BACH1: variants seen among roughly 807,000 people sequenced by gnomAD.
The protein encoded by BACH1 is BTB domain and CNC homolog 1.
In BACH1, 35 loss-of-function variants were observed where a neutral mutation model predicts 52.9. The observed-to-expected ratio is 0.66, with a 90% CI of 0.51 to 0.88. The LOEUF (loss-of-function observed/expected upper bound fraction) is 0.88, where lower values mean the gene tolerates loss of function less well. Among genes scored for constraint, BACH1 ranks in the 40% least tolerant of loss-of-function variants. The pLI, the probability that BACH1 is intolerant of heterozygous loss-of-function variation, is 0.00. For synonymous variants in BACH1, 321 were observed against 319.6 expected, an observed-to-expected ratio of 1.00 and a Z score of -0.05; for missense variants, 808 against 872.6, an observed-to-expected ratio of 0.93 and a Z score of 0.93.
At chr21:29,305,237 A>G (rs2088643208) in intron 1 of BACH1, 1 of 150,588 alleles carries the variant, frequency 6.6e-6, no homozygotes, top group African/African-American at 2.4e-5. Flanking sequence ...CATTTTGCCC[A>G]GCTCACTCGG....
chr21:29,325,720 GTTCA>G (rs1442236945), intron 2 of BACH1, among the ~76,000 whole-genome samples: 1 of 152,106 alleles, frequency 6.6e-6, no homozygotes, highest in African/African-American at 2.4e-5. Flanking sequence ...GGCAGGTAGT[GTTCA>G]TCCTGCTCTA....
chr21:29,342,423 A>G lies in BACH1; in HGVS notation c.1801A>G (p.Lys601Glu). 1.2e-6 allele frequency: 2 copies of G among 1,613,518 alleles called. No homozygotes were observed. The highest frequency in any genetic ancestry group is 2.2e-5 in the East Asian group (1 of 44,864). ...GCAAAGTGAAAAGGAGAGCTTGTTG[A>G]AGGAAAGAGATCACATTTTGTCAAC... ...KLQSEKESLL[K>E]ERDHILSTLG... Residue 601 changes from lysine to glutamate, a missense_variant, in exon 5 of 5, where the codon AAG becomes GAG. Physicochemically the swap from Lys to Glu is moderately conservative, Grantham distance 56 (BLOSUM62 1). Coordinates refer to ENST00000286800, the MANE Select transcript of BACH1 (RefSeq NM_001186.4).
At position 29,327,197 on chromosome 21, in the gene BACH1, C is replaced by G; in HGVS notation, c.1373C>G (p.Ser458Cys). The G allele has an allele frequency of 6.2e-7, 1 of 1,614,230 alleles. No homozygotes were observed. Among genetic ancestry groups the G allele is most frequent in the South Asian group, 1.1e-5 (1 of 91,084 alleles). The change falls in exon 3 of 5, where the codon TCT becomes TGT. Residue 458 changes from serine to cysteine, a missense_variant. Ser to Cys is a moderately radical substitution (Grantham distance 112). Coordinates refer to ENST00000286800, the MANE Select transcript of BACH1 (RefSeq NM_001186.4). ...PGQRTFTTLS[S>C]VNCPFISTLS... ...CAAAGGACTTTCACAACATTAAGTT[C>G]TGTCAACTGCCCTTTTATAAGTACT...
At chr21:29,299,322 C>T (rs2088576347) in intron 1 of BACH1, 3 of 151,914 alleles carry the variant, frequency 2.0e-5, no homozygotes, top group Admixed American at 1.3e-4. Context: ...GCCCCTCGCC[C>T]GCGGCCCGCC....
intron 2 of BACH1, 35 bp downstream of exon 2, chr21:29,321,549 C>G (rs935488556): frequency 6.4e-7 from 1 of 1,574,332 alleles, no homozygotes; most frequent in Admixed American, 1.8e-5. Context: ...TTTTAATCTA[C>G]TTTTACTTAA....
intron 2 of BACH1, among the ~76,000 whole-genome samples, chr21:29,323,024 T>TACTAA (rs1190916420): frequency 1.5e-5 from 1 of 66,644 alleles, no homozygotes; most frequent in Non-Finnish European, 2.6e-5. Context: ...CATTCATTCT[T>TACTAA]TCTAATGTGT....
intron 1 of BACH1, among the ~76,000 whole-genome samples, chr21:29,303,619 A>G (rs573800616): frequency 2.0e-5 from 3 of 152,352 alleles, no homozygotes; most frequent in African/African-American, 4.8e-5. Context: ...GCTGGAATTA[A>G]GTAATTCTAG....
chr21:29,303,610 C>T (rs1465469615), intron 1 of BACH1, among the ~76,000 whole-genome samples: 1 of 152,142 alleles, frequency 6.6e-6, no homozygotes, highest in African/African-American at 2.4e-5. Context: ...GAGAAGGCAG[C>T]TGGAATTAAG....
intron 1 of BACH1, among the ~76,000 whole-genome samples, chr21:29,311,884 A>T (rs1363342784): frequency 2.6e-5 from 4 of 152,236 alleles, no homozygotes; most frequent in Admixed American, 2.6e-4. Flanking sequence ...TATAGTTATA[A>T]TTAAGTCTCT....
downstream of BACH1, among the ~76,000 whole-genome samples, chr21:29,346,397 T>G (rs2089168381): frequency 6.6e-6 from 1 of 152,238 alleles, no homozygotes; most frequent in Non-Finnish European, 1.5e-5. Context: ...GGGTATTATC[T>G]CTATCAGTCA....
At position 29,326,417 on chromosome 21, in the gene BACH1, C is replaced by T. The variant is rs374723065; in HGVS notation, c.593C>T (p.Pro198Leu). 2 of 1,614,196 alleles carry T rather than the reference C, an allele frequency of 1.2e-6. No individual in the cohort carries two copies. Residue 198 changes from proline (P) to leucine (L), a missense_variant, in exon 3 of 5, where the codon CCT becomes CTT. By Grantham distance (98) the Pro-to-Leu change is moderately conservative (BLOSUM62 -3). Transcript: ENST00000286800. ...CAAGGAAATGCAAAAGCCTCACCTC[C>T]TCTACAAGACAGTGCCAGTCAGACA... ...RYQGNAKASP[P>L]LQDSASQTYE... is the part of the protein sequence containing the mutation.
chr21:29,325,004 G>A (rs549134448), intron 2 of BACH1, among the ~76,000 whole-genome samples: 10 of 152,136 alleles, frequency 6.6e-5, no homozygotes, highest in Non-Finnish European at 8.8e-5. Context: ...CTAGGCGAGT[G>A]GATCACGAGG....
At chr21:29,331,138 C>T (rs1372707588) in intron 4 of BACH1, among the ~76,000 whole-genome samples, 2 of 152,108 alleles carry the variant, frequency 1.3e-5, no homozygotes, top group African/African-American at 4.8e-5. Flanking sequence ...CCTTACCTGC[C>T]TTTAGAAGGA....
chr21:29,342,844 A>T lies in BACH1; in HGVS notation c.*11A>T. On this transcript the variant is annotated 3_prime_UTR_variant, in exon 5 of 5. Transcript: ENST00000286800. Reference sequence around the variant, plus strand: ...ACTACTGATGAGTAAACTTGCATTCACTTCCTTCAAACCATCTAATTTTCT... The same window carrying T: ...ACTACTGATGAGTAAACTTGCATTCTCTTCCTTCAAACCATCTAATTTTCT... The T allele has an allele frequency of 6.4e-7, 1 of 1,562,164 alleles. No homozygotes were observed. Among genetic ancestry groups the T allele is most frequent in the Non-Finnish European group, 8.7e-7 (1 of 1,150,390 alleles).
chr21:29,346,950 A>G (rs1163343562), downstream of BACH1, among the ~76,000 whole-genome samples: 2 of 152,052 alleles, frequency 1.3e-5, no homozygotes, highest in African/African-American at 4.8e-5. Context: ...TGAGAGGGAG[A>G]AGGAGGAAGG....
intron 1 of BACH1, among the ~76,000 whole-genome samples, chr21:29,312,711 G>C (rs190757457): frequency 5.7e-4 from 87 of 152,304 alleles, no homozygotes; most frequent in African/African-American, 2.0e-3. Flanking sequence ...TATAGCAAAA[G>C]CTTCACAAGC....
intron 2 of BACH1, chr21:29,358,909 C>T (rs974564190): frequency 6.6e-6 from 1 of 151,962 alleles, no homozygotes; most frequent in South Asian, 2.1e-4. Context: ...AACTGGCATT[C>T]TAACACAAGG....
downstream of BACH1, among the ~76,000 whole-genome samples, chr21:29,348,134 T>C (rs189550809): frequency 5.3e-5 from 8 of 152,296 alleles, no homozygotes; most frequent in African/African-American, 1.9e-4. Flanking sequence ...CCTGCCAGAT[T>C]TCTCATTCAG....
chr21:29,341,453 T>C lies in BACH1; in HGVS notation c.1777-946T>C, dbSNP rs545127794. On this transcript the variant is annotated intron_variant, in intron 4 of 4. Coordinates refer to ENST00000286800, the MANE Select transcript of BACH1 (RefSeq NM_001186.4). ...ATTTGGTTTCCTGGCTCATAATAGA[T>C]TAGAAGCAATAAGATGTTAGAACAA... Among the ~76,000 whole-genome samples, 16 of 152,230 alleles carry C rather than the reference T, an allele frequency of 1.1e-4. 1 individual carries two copies. The South Asian group carries it at 2.7e-3, about 26-fold the overall frequency.
Sources: gnomAD v4.1 joint callset for allele counts (sites outside exome capture counted in the v4.1 genomes callset) on GRCh38, gnomAD v4.1.1 for gene constraint, MANE v1.5 for transcripts, NCBI Gene and HGNC (gene_info 2026-07-23, HGNC 2026-07-21) for gene names.